The following NIPBL variants were observed in gnomAD, a reference collection of about 807,000 sequenced individuals.
The protein encoded by NIPBL is NIPBL cohesin loading factor.
A neutral mutation model predicts 321.8 loss-of-function variants in NIPBL; 19 were observed. That is an observed-to-expected ratio of 0.06 (90% CI 0.04 to 0.09). The LOEUF (loss-of-function observed/expected upper bound fraction) is 0.09. Ranked by LOEUF, NIPBL falls within the 10% of genes least tolerant of loss-of-function variation. The probability of loss-of-function intolerance (pLI) is 1.00; values close to 1 mark genes in which losing one functional copy is unlikely to be tolerated. For missense variants in NIPBL, 2,210 were observed against 3,327.0 expected, an observed-to-expected ratio of 0.66 and a Z score of 8.26; for synonymous variants, 1,106 against 1,114.1, an observed-to-expected ratio of 0.99 and a Z score of 0.14.
At chr5:37,006,184 A>G (rs1410652522) in intron 16 of NIPBL, among the ~76,000 whole-genome samples, 173 bp from the exon 17 acceptor site, 2 of 152,142 alleles carry the variant, frequency 1.3e-5, no homozygotes, top group African/African-American at 4.8e-5. Flanking sequence ...ACATTGAAAC[A>G]CAAATCGTGC....
intron 34 of NIPBL, among the ~76,000 whole-genome samples, chr5:37,042,388 CTG>C (rs536733001): frequency 6.6e-5 from 10 of 150,880 alleles, no homozygotes; most frequent in Non-Finnish European, 1.3e-4. Flanking sequence ...TGAGCCGAGA[CTG>C]TGCTACTGCA....
At chr5:36,912,751 C>T (rs1319692741) in intron 1 of NIPBL, among the ~76,000 whole-genome samples, 17 of 152,068 alleles carry the variant, frequency 1.1e-4, no homozygotes, top group Admixed American at 7.9e-4. Flanking sequence ...CCACCCGCCT[C>T]GGCCTCCCAG....
Position 36,986,212 on chromosome 5 carries a change from A to C in NIPBL, c.3032A>C (p.Asp1011Ala). The C allele has an allele frequency of 6.2e-7, 1 of 1,601,954 alleles. No individual in the cohort carries two copies. The highest frequency in any genetic ancestry group is 8.5e-7 in the Non-Finnish European group (1 of 1,175,820). ...PVVVLQKLSL[D>A]DVQKLIKDRE... ...GTTGTGCTACAAAAACTGTCTTTGG[A>C]TGATGTTCAGAAACTTATTAAAGAT... The change falls in exon 10 of 47, where the codon GAT becomes GCT. Residue 1011 changes from aspartate (D) to alanine (A), a missense_variant. Asp to Ala is a moderately radical substitution (Grantham distance 126, BLOSUM62 -2). Around this residue, in one of 14 missense-constraint regions of NIPBL, gnomAD observed 381 missense variants for 642.3 expected, o/e 0.59. Transcript: ENST00000282516.
At chr5:36,916,783 GA>G (rs1423084072) in intron 1 of NIPBL, among the ~76,000 whole-genome samples, 3 of 152,110 alleles carry the variant, frequency 2.0e-5, no homozygotes, top group Admixed American at 1.3e-4. Flanking sequence ...AGTTTGCTGA[GA>G]ATGATGGTTT....
At position 36,994,845 on chromosome 5, in the gene NIPBL, C is replaced by G. The variant is rs550139553; in HGVS notation, c.3122-777C>G. On this transcript the variant is annotated intron_variant, in intron 10 of 46. Transcript: ENST00000282516. ...TGTGTAGGATTAAGTAGTATAATGG[C>G]TCTTATTGTCTTGTCTTCTTTTTTA... Among the ~76,000 whole-genome samples the G allele has an allele frequency of 4.7e-5, 7 of 149,142 alleles. No homozygotes were observed. In the East Asian group the frequency reaches 1.2e-3, roughly 25 times the overall value.
At chr5:36,879,636 A>G (rs754855717) in intron 1 of NIPBL, among the ~76,000 whole-genome samples, 14 of 152,144 alleles carry the variant, frequency 9.2e-5, no homozygotes, top group African/African-American at 1.2e-4. Context: ...GTGGCTAATC[A>G]TCTATTTCCA....
Position 37,052,435 on chromosome 5 carries a change from C to G in NIPBL, c.7132C>G (p.Pro2378Ala), listed in dbSNP as rs778747295. 6.2e-7 allele frequency: 1 copy of G among 1,614,122 alleles called. No individual in the cohort carries two copies. ...QQAINTCLKD[P>A]VRGFRQDESS... ...GGCAATCAACACATGCCTAAAAGAT[C>G]CTGTAAGGGGTTTCAGACAAGACGA... is the stretch of plus-strand genomic sequence containing the variant. The change falls in exon 42 of 47, where the codon CCT becomes GCT. Residue 2378 changes from proline to alanine, a missense_variant. Physicochemically the swap from Pro to Ala is conservative, Grantham distance 27 (BLOSUM62 -1). Around this residue, in one of 14 missense-constraint regions of NIPBL, gnomAD observed 112 missense variants for 288.3 expected, o/e 0.39. Transcript: ENST00000282516.
intron 1 of NIPBL, among the ~76,000 whole-genome samples, chr5:36,951,104 C>G (rs1740237525): frequency 6.6e-6 from 1 of 152,158 alleles, no homozygotes; most frequent in Non-Finnish European, 1.5e-5. Flanking sequence ...CTCTCCCGCC[C>G]TTTCCCCTTT....
intron 34 of NIPBL, among the ~76,000 whole-genome samples, chr5:37,042,255 T>C (rs893289417): frequency 6.6e-6 from 1 of 150,384 alleles, no homozygotes. Context: ...GCCAGCATGG[T>C]GAAACCCTGT....
intron 21 of NIPBL, among the ~76,000 whole-genome samples, chr5:37,012,456 A>ATTTTTT (rs763144789): frequency 6.5e-5 from 7 of 107,200 alleles, no homozygotes; most frequent in Admixed American, 1.9e-4. Context: ...TCTTTCTCCA[A>ATTTTTT]TTTTTTTTTT....
At chr5:36,997,418 G>A (rs1746254178) in intron 11 of NIPBL, among the ~76,000 whole-genome samples, 1 of 152,142 alleles carries the variant, frequency 6.6e-6, no homozygotes, top group Non-Finnish European at 1.5e-5. Flanking sequence ...TAAAATAGTG[G>A]AGAGTAGAGC....
intron 37 of NIPBL, 132 bp downstream of exon 37, chr5:37,045,729 G>A: frequency 1.0e-6 from 1 of 973,178 alleles, no homozygotes; most frequent in South Asian, 1.4e-5. Flanking sequence ...TGAAAACAGT[G>A]CTGCTCAAAA....
chr5:36,985,736 T>C lies in NIPBL; in HGVS notation c.2556T>C (p.Asn852=). 1 of 1,613,806 alleles carries C rather than the reference T, an allele frequency of 6.2e-7. No individual in the cohort carries two copies. The change falls in exon 10 of 47, where the codon AAT becomes AAC. Residue 852 remains asparagine, a synonymous_variant. Coordinates refer to ENST00000282516, the MANE Select transcript of NIPBL (RefSeq NM_133433.4). ...AAACATTGAGATCCTCTAGTAGAAA[T>C]GAACATGGCATTAAATCTGATAGTT... ...RPETLRSSSR[N]EHGIKSDSSK...
intron 1 of NIPBL, among the ~76,000 whole-genome samples, chr5:36,932,313 A>G (rs1749835625): frequency 6.6e-6 from 1 of 152,128 alleles, no homozygotes; most frequent in South Asian, 2.1e-4. Flanking sequence ...TTTTCTCTCT[A>G]GTTATATTTA....
intron 1 of NIPBL, among the ~76,000 whole-genome samples, chr5:36,900,368 G>A (rs909664319): frequency 2.0e-5 from 3 of 152,030 alleles, no homozygotes; most frequent in African/African-American, 4.8e-5. Flanking sequence ...AGACTTTAGC[G>A]TCCATGAATT....
chr5:37,000,779 C>A, intron 12 of NIPBL, 38 bp from the exon 13 acceptor site: 2 of 1,514,476 alleles, frequency 1.3e-6, no homozygotes, highest in South Asian at 2.3e-5. Context: ...TTTAAGTTGT[C>A]AGTCCTGCAT....
intron 1 of NIPBL, among the ~76,000 whole-genome samples, chr5:36,929,306 G>A (rs1396450354): frequency 6.6e-6 from 1 of 151,996 alleles, no homozygotes; most frequent in Non-Finnish European, 1.5e-5. Context: ...GTGTTCTTTG[G>A]TGAAGTGATA....
chr5:36,959,044 A>G (rs1741303719), intron 4 of NIPBL, among the ~76,000 whole-genome samples: 1 of 151,964 alleles, frequency 6.6e-6, no homozygotes, highest in South Asian at 2.1e-4. Context: ...TGTCTCTACA[A>G]AAAAATACAA....
rs755732764 is a variant in NIPBL, at chr5:37,044,349, G to A, written c.6111G>A (p.Thr2037=). 8.7e-6 allele frequency: 14 copies of A among 1,612,596 alleles called. No homozygotes were observed. In the East Asian group the frequency reaches 1.3e-4, roughly 15 times the overall value. ...AAGCATTAATTTTATTCTTATAGAC[G>A]CAAAATGATTTCATGGTTATCTGCA... ...MQPYLTTKCS[T]QNDFMVICNV... Residue 2037 remains threonine (T), a splice_region_variant and synonymous_variant, in exon 35 of 47, where the codon ACG becomes ACA. Coordinates refer to ENST00000282516, the MANE Select transcript of NIPBL (RefSeq NM_133433.4).
Sources: allele counts gnomAD v4.1 joint callset (sites outside exome capture counted in the v4.1 genomes callset), GRCh38; gene constraint gnomAD v4.1.1; regional missense constraint gnomAD v4.1.1; transcripts MANE v1.5; gene names NCBI Gene and HGNC (gene_info 2026-07-23, HGNC 2026-07-21).